Variants in KIAA1328 observed in about 807,000 individuals in gnomAD.
KIAA1328 encodes the protein protein hinderin.
Under a neutral mutation model 68.1 loss-of-function variants are expected in KIAA1328, and 52 were observed. The observed-to-expected ratio is 0.76, with a 90% confidence interval of 0.61 to 0.96. The LOEUF is 0.96. Among genes scored for constraint, KIAA1328 ranks in the 40% least tolerant of loss-of-function variants. The pLI is 0.00. For synonymous variants in KIAA1328, 232 were observed against 239.4 expected, an observed-to-expected ratio of 0.97 and a Z score of 0.28; for missense variants, 641 against 677.6, an observed-to-expected ratio of 0.95 and a Z score of 0.60.
chr18:37,124,897 C>T (rs867619995), intron 7 of KIAA1328, among the ~76,000 whole-genome samples: 54 of 152,264 alleles, frequency 3.5e-4, no homozygotes, highest in African/African-American at 1.2e-3. Flanking sequence ...ACTTCTCATT[C>T]TTCATATTGA....
chr18:37,205,561 G>A (rs1032694767), intron 9 of KIAA1328, among the ~76,000 whole-genome samples: 7 of 152,256 alleles, frequency 4.6e-5, no homozygotes, highest in Middle Eastern at 3.4e-3. Context: ...GGAACAGTTC[G>A]GTTTTCTTCA....
Position 37,067,561 on chromosome 18 carries a change from T to TA in KIAA1328, c.1232+16_1232+17insA. On this transcript the variant is annotated intron_variant, in intron 7 of 9. Coordinates refer to ENST00000280020, the MANE Select transcript of KIAA1328 (RefSeq NM_020776.3). ...ATTACAATTGGTGAGTACTGCCTGTTCTTTTTTTTTTTTTTTTGAGACGAA... is the reference window on the plus strand; with the variant it reads ...ATTACAATTGGTGAGTACTGCCTGTTACTTTTTTTTTTTTTTTTGAGACGAA... 2 of 1,439,404 alleles carry TA rather than the reference T, an allele frequency of 1.4e-6. No individual in the cohort carries two copies. Among genetic ancestry groups the TA allele is most frequent in the South Asian group, 1.5e-5 (1 of 68,722 alleles). 89.2% of individuals were successfully genotyped at this position (1,439,404 alleles called of 1,614,324 possible).
intron 6 of KIAA1328, among the ~76,000 whole-genome samples, chr18:36,973,371 G>A (rs2052316155): frequency 6.6e-6 from 1 of 152,102 alleles, no homozygotes; most frequent in Admixed American, 6.6e-5. Flanking sequence ...TATACCTAAT[G>A]TAAATGACGA....
intron 6 of KIAA1328, among the ~76,000 whole-genome samples, chr18:36,998,139 C>T (rs1035090192): frequency 5.3e-5 from 8 of 152,122 alleles, no homozygotes; most frequent in Non-Finnish European, 7.4e-5. Flanking sequence ...CTCAACTTTG[C>T]GTCCCCCTCC....
intron 7 of KIAA1328, among the ~76,000 whole-genome samples, chr18:37,073,571 A>G (rs1282632769): frequency 6.6e-6 from 1 of 152,144 alleles, no homozygotes; most frequent in Admixed American, 6.5e-5. Context: ...TTCAGACTGT[A>G]CAATTTCTCT....
intron 6 of KIAA1328, among the ~76,000 whole-genome samples, chr18:36,963,084 T>G (rs1167877937): frequency 3.3e-5 from 5 of 152,200 alleles, no homozygotes; most frequent in Non-Finnish European, 7.3e-5. Context: ...ATAAATGGTT[T>G]GTTTGTATTT....
intron 7 of KIAA1328, among the ~76,000 whole-genome samples, chr18:37,137,580 A>T (rs186875073): frequency 3.0e-4 from 45 of 152,264 alleles, no homozygotes; most frequent in Non-Finnish European, 5.6e-4. Context: ...TGACTTCTCA[A>T]TAGTAGGTGA....
intron 6 of KIAA1328, among the ~76,000 whole-genome samples, chr18:37,043,693 T>C (rs1187455766): frequency 6.6e-6 from 1 of 152,224 alleles, no homozygotes; most frequent in Non-Finnish European, 1.5e-5. Context: ...TCTCATGTCT[T>C]CTCTGTATTT....
intron 7 of KIAA1328, chr18:37,084,216 A>G (rs2057031833): frequency 6.6e-7 from 1 of 1,523,620 alleles, no homozygotes; most frequent in East Asian, 2.5e-5. Flanking sequence ...TATGAATGGC[A>G]GTGACTCTGG....
chr18:37,097,168 G>A lies in KIAA1328; in HGVS notation c.1232+29623G>A, dbSNP rs148286587. Among the ~76,000 whole-genome samples, 1,021 of 152,276 alleles carry A rather than the reference G, an allele frequency of 6.7e-3. 16 individuals are homozygous for A. Among genetic ancestry groups the A allele is most frequent in the African/African-American group, 0.023 (942 of 41,544 alleles). ...CTTGCCCATGCCTATGTCCTGAATGGTATTGCCTAGGTTTCTTCTAGGGTT... is the reference window on the plus strand; with the variant it reads ...CTTGCCCATGCCTATGTCCTGAATGATATTGCCTAGGTTTCTTCTAGGGTT... On this transcript the variant is annotated intron_variant, in intron 7 of 9. Transcript: ENST00000280020.
chr18:36,863,593 G>A (rs2047642963), intron 4 of KIAA1328, among the ~76,000 whole-genome samples: 1 of 152,184 alleles, frequency 6.6e-6, no homozygotes, highest in African/African-American at 2.4e-5. Context: ...TTAAACTATA[G>A]ATCAAATTTG....
chr18:37,214,100 G>A lies in KIAA1328; in HGVS notation c.1524-7917G>A, dbSNP rs1246458638. On this transcript the variant is annotated intron_variant, in intron 9 of 9. Coordinates refer to ENST00000280020, the MANE Select transcript of KIAA1328 (RefSeq NM_020776.3). Reference sequence around the variant, plus strand: ...AAAATTTTCTCCCATTCTGTAGGTTGCCTGTTCACTCTGATGGTAGTTTCT... The same window carrying A: ...AAAATTTTCTCCCATTCTGTAGGTTACCTGTTCACTCTGATGGTAGTTTCT... Among the ~76,000 whole-genome samples, 6 of 152,278 alleles carry A rather than the reference G, an allele frequency of 3.9e-5. No individual in the cohort carries two copies. In the East Asian group the frequency reaches 1.2e-3, roughly 29 times the overall value.
chr18:37,194,258 C>T (rs977480260), intron 9 of KIAA1328, among the ~76,000 whole-genome samples: 1 of 152,010 alleles, frequency 6.6e-6, no homozygotes, highest in Non-Finnish European at 1.5e-5. Flanking sequence ...TTTTCTGACA[C>T]CTTTTACAAT....
At chr18:36,954,224 G>T (rs564645377) in intron 5 of KIAA1328, among the ~76,000 whole-genome samples, 1 of 151,802 alleles carries the variant, frequency 6.6e-6, no homozygotes, top group African/African-American at 2.4e-5. Flanking sequence ...GGATGGTCTC[G>T]ATCTCCTGAC....
At chr18:37,089,136 G>A (rs183847459) in intron 7 of KIAA1328, among the ~76,000 whole-genome samples, 3 of 152,052 alleles carry the variant, frequency 2.0e-5, no homozygotes, top group Admixed American at 1.3e-4. Context: ...TTCCTAGGAG[G>A]GTGTGGTGGG....
At chr18:36,993,968 TAA>T (rs74685501) in intron 6 of KIAA1328, among the ~76,000 whole-genome samples, 56 of 122,886 alleles carry the variant, frequency 4.6e-4, no homozygotes, top group Middle Eastern at 8.0e-3. Context: ...AATAGAAGAG[TAA>T]AAAAAAAAAA....
At chr18:37,105,068 A>G (rs2057732155) in intron 7 of KIAA1328, among the ~76,000 whole-genome samples, 1 of 152,218 alleles carries the variant, frequency 6.6e-6, no homozygotes, top group Non-Finnish European at 1.5e-5. Context: ...CTCGGGCAAA[A>G]AGAGAAAATT....
In KIAA1328 at chr18:37,202,282, C is replaced by T. The variant is rs571100016; in HGVS notation, c.1524-19735C>T. Among the ~76,000 whole-genome samples the T allele has an allele frequency of 1.1e-4, 17 of 152,250 alleles. No individual in the cohort carries two copies. The South Asian group carries it at 3.5e-3, about 32-fold the overall frequency. On this transcript the variant is annotated intron_variant, in intron 9 of 9. Coordinates refer to ENST00000280020, the MANE Select transcript of KIAA1328 (RefSeq NM_020776.3). ...AAGGTTATAACAAAATTATTTCAGT[C>T]CTCTATCAGTTCAGTCCTATGTAAT... is the stretch of plus-strand genomic sequence containing the variant.
chr18:36,936,680 G>A (rs1254770145), intron 5 of KIAA1328, among the ~76,000 whole-genome samples: 2 of 152,120 alleles, frequency 1.3e-5, no homozygotes, highest in South Asian at 2.1e-4. Flanking sequence ...GACCCTTGAG[G>A]AATCGCCATA....
Sources: gnomAD v4.1 joint callset for allele counts (sites outside exome capture counted in the v4.1 genomes callset) on GRCh38, gnomAD v4.1.1 for gene constraint, MANE v1.5 for transcripts, NCBI Gene and HGNC (gene_info 2026-07-23, HGNC 2026-07-21) for gene names.